STK33: variants seen among roughly 807,000 people sequenced by gnomAD.
The protein encoded by STK33 is serine/threonine-protein kinase 33.
In STK33, 52 loss-of-function variants were observed where a neutral mutation model predicts 58.0. The ratio of observed to expected loss-of-function variants is 0.90; its 90% CI spans 0.72 to 1.13. STK33 has a LOEUF of 1.13. Ranked by LOEUF, STK33 falls within the 50% of genes most tolerant of loss-of-function variation. The pLI is 0.00. For synonymous variants in STK33, 215 were observed against 200.1 expected (o/e 1.07, Z -0.63); for missense variants, 630 against 604.2 (o/e 1.04, Z -0.45).
At chr11:8,449,856 C>G (rs563257434) in intron 11 of STK33, among the ~76,000 whole-genome samples, 2 of 152,098 alleles carry the variant, frequency 1.3e-5, no homozygotes, top group African/African-American at 4.8e-5. Context: ...AATGAGATAC[C>G]ATTTCACGTC....
intron 1 of STK33, among the ~76,000 whole-genome samples, chr11:8,500,594 G>A (rs1448486588): frequency 6.6e-6 from 1 of 152,102 alleles, no homozygotes; most frequent in Non-Finnish European, 1.5e-5. Flanking sequence ...TTCATGTATT[G>A]GAAGAATCAA....
intron 1 of STK33, among the ~76,000 whole-genome samples, chr11:8,545,851 T>C (rs926105069): frequency 3.9e-5 from 6 of 152,194 alleles, no homozygotes; most frequent in African/African-American, 1.4e-4. Context: ...TGGGAATACA[T>C]TTGAGAACTG....
At chr11:8,418,359 C>T (rs961074167) in intron 14 of STK33, among the ~76,000 whole-genome samples, 2 of 152,060 alleles carry the variant, frequency 1.3e-5, no homozygotes, top group African/African-American at 4.8e-5. Flanking sequence ...TCTGTTCCCA[C>T]GTTAGTTTGC....
At chr11:8,352,632 T>G in the STK33 span, among the ~76,000 whole-genome samples, 1 of 152,086 alleles carries the variant, frequency 6.6e-6, no homozygotes, top group Non-Finnish European at 1.5e-5. Context: ...AGTCTCTGAT[T>G]GTTTGTGCGC....
At chr11:8,365,531 C>G in the STK33 span, among the ~76,000 whole-genome samples, 1 of 152,200 alleles carries the variant, frequency 6.6e-6, no homozygotes, top group South Asian at 2.1e-4. Context: ...GTTGGGCTTC[C>G]AGGGGGCTGC....
chr11:8,523,033 A>T (rs1953631459), intron 1 of STK33, among the ~76,000 whole-genome samples: 1 of 152,142 alleles, frequency 6.6e-6, no homozygotes, highest in African/African-American at 2.4e-5. Context: ...ACCGCGAGTG[A>T]TCTGCCAGCC....
At chr11:8,515,612 G>T (rs11041955) in intron 1 of STK33, among the ~76,000 whole-genome samples, 33,440 of 152,112 alleles carry the variant, frequency 0.22, 3,897 homozygotes, top group Middle Eastern at 0.31. Flanking sequence ...GAATTCAACA[G>T]CACATTAAAA....
intron 9 of STK33, among the ~76,000 whole-genome samples, chr11:8,456,807 CA>C (rs1237323742): frequency 6.6e-6 from 1 of 152,112 alleles, no homozygotes; most frequent in African/African-American, 2.4e-5. Context: ...GTCAAAACCC[CA>C]AGAGTGAATC....
intron 11 of STK33, among the ~76,000 whole-genome samples, chr11:8,446,527 A>T (rs891291668): frequency 2.6e-5 from 4 of 152,098 alleles, no homozygotes; most frequent in Non-Finnish European, 5.9e-5. Flanking sequence ...CTAAGCAAAA[A>T]GAACAAAGCT....
chr11:8,454,579 T>C (rs990705451), intron 10 of STK33, among the ~76,000 whole-genome samples, 165 bp downstream of exon 10: 1 of 152,228 alleles, frequency 6.6e-6, no homozygotes, highest in Non-Finnish European at 1.5e-5. Flanking sequence ...TGCAAAATTA[T>C]TCTTGTCAGT....
the STK33 span, among the ~76,000 whole-genome samples, chr11:8,355,916 A>G: frequency 6.6e-6 from 1 of 152,334 alleles, no homozygotes; most frequent in African/African-American, 2.4e-5. Context: ...CAGCAGCCAC[A>G]TGGAGAAGGA....
intron 7 of STK33, among the ~76,000 whole-genome samples, chr11:8,462,438 T>TAC (rs763733174): frequency 2.2e-4 from 24 of 110,834 alleles, no homozygotes; most frequent in African/African-American, 6.7e-4. Flanking sequence ...CATATATACA[T>TAC]ATATACACAC....
the STK33 span, among the ~76,000 whole-genome samples, chr11:8,336,238 G>A: frequency 6.6e-6 from 1 of 152,252 alleles, no homozygotes; most frequent in Non-Finnish European, 1.5e-5. Flanking sequence ...TGAGGAAGGA[G>A]GGCCAATGGA....
At chr11:8,394,525 A>G (rs151246633) in intron 15 of STK33, among the ~76,000 whole-genome samples, 1 of 152,314 alleles carries the variant, frequency 6.6e-6, no homozygotes, top group African/African-American at 2.4e-5. Flanking sequence ...GCTTATATTC[A>G]TATCTGGCTT....
intron 1 of STK33, among the ~76,000 whole-genome samples, chr11:8,531,247 A>G (rs1003247524): frequency 8.4e-4 from 128 of 152,260 alleles, no homozygotes; most frequent in Non-Finnish European, 2.9e-4. Context: ...ATAAATGATT[A>G]GGAGTATAAA....
At chr11:8,463,928 AC>A (rs1480184915) in intron 7 of STK33, among the ~76,000 whole-genome samples, 1 of 152,224 alleles carries the variant, frequency 6.6e-6, no homozygotes. Context: ...TAATCCCTTT[AC>A]TAAGATTGAT....
At chr11:8,423,481 T>C (rs1220931129) in intron 14 of STK33, among the ~76,000 whole-genome samples, 2 of 152,108 alleles carry the variant, frequency 1.3e-5, no homozygotes. Flanking sequence ...TTGGGGTTTA[T>C]TCTTTAACTT....
chr11:8,405,477 C>T (rs1017206752), intron 15 of STK33, among the ~76,000 whole-genome samples: 2 of 152,016 alleles, frequency 1.3e-5, no homozygotes, highest in African/African-American at 4.8e-5. Context: ...GCATGCAAGT[C>T]TTCTGTCATA....
intron 15 of STK33, among the ~76,000 whole-genome samples, chr11:8,398,256 T>G (rs1195967033): frequency 6.6e-6 from 1 of 152,334 alleles, no homozygotes; most frequent in South Asian, 2.1e-4. Flanking sequence ...GACTAACAGC[T>G]GATCTCTCAG....
Sources: allele counts gnomAD v4.1 joint callset (sites outside exome capture counted in the v4.1 genomes callset), GRCh38; gene constraint gnomAD v4.1.1; transcripts MANE v1.5; gene names NCBI Gene and HGNC (gene_info 2026-07-23, HGNC 2026-07-21).